KLHL20: variants seen among roughly 807,000 people sequenced by gnomAD.
The protein encoded by KLHL20 is kelch like family member 20.
In KLHL20, 29 loss-of-function variants were observed where a neutral mutation model predicts 69.5. That is an observed-to-expected ratio of 0.42 (90% CI 0.31 to 0.57). KLHL20 has a LOEUF of 0.57. Ranked by LOEUF, KLHL20 falls within the 20% of genes least tolerant of loss-of-function variation. KLHL20 has a pLI of 0.18. For synonymous variants in KLHL20, 253 were observed against 265.2 expected (o/e 0.95, Z 0.45); for missense variants, 419 against 776.0 (o/e 0.54, Z 5.47).
At chr1:173,721,890 G>C (rs1334159871) in intron 2 of KLHL20, among the ~76,000 whole-genome samples, 1 of 152,158 alleles carries the variant, frequency 6.6e-6, no homozygotes, top group Non-Finnish European at 1.5e-5. Flanking sequence ...GAGGGTCAGT[G>C]CAACTGAATC....
chr1:173,726,030 A>G (rs570797732), intron 2 of KLHL20, among the ~76,000 whole-genome samples: 17 of 152,258 alleles, frequency 1.1e-4, no homozygotes, highest in Non-Finnish European at 2.4e-4. Context: ...CACCTGGAAA[A>G]TCGGGTCACT....
At chr1:173,718,087 T>C (rs904589234) in intron 2 of KLHL20, among the ~76,000 whole-genome samples, 2 of 152,132 alleles carry the variant, frequency 1.3e-5, no homozygotes, top group African/African-American at 4.8e-5. Flanking sequence ...TCTTCTCTTT[T>C]CACTTTTTTA....
chr1:173,721,874 A>G (rs981057523), intron 2 of KLHL20, among the ~76,000 whole-genome samples: 1 of 152,258 alleles, frequency 6.6e-6, no homozygotes, highest in African/African-American at 2.4e-5. Context: ...ATTTAGGACT[A>G]TAAATGAGGG....
At chr1:173,726,827 A>G (rs552991496) in intron 2 of KLHL20, among the ~76,000 whole-genome samples, 73 of 152,346 alleles carry the variant, frequency 4.8e-4, no homozygotes, top group African/African-American at 1.7e-3. Context: ...TGAAAATTCT[A>G]AAAATCAGAG....
At chr1:173,779,369 GAGA>G (rs1440402481) in intron 10 of KLHL20, among the ~76,000 whole-genome samples, 1 of 57,400 alleles carries the variant, frequency 1.7e-5, no homozygotes, top group Non-Finnish European at 3.5e-5. Context: ...TTTTTTTTTT[GAGA>G]AGGAGTCTCA....
chr1:173,757,339 T>C (rs1673595064), intron 7 of KLHL20, among the ~76,000 whole-genome samples, 180 bp downstream of exon 7: 2 of 152,176 alleles, frequency 1.3e-5, no homozygotes, highest in East Asian at 1.9e-4. Flanking sequence ...ATTTTTCTAG[T>C]CTGTCTCCCA....
intron 11 of KLHL20, among the ~76,000 whole-genome samples, chr1:173,783,595 C>T (rs1327419437): frequency 1.3e-5 from 2 of 152,070 alleles, no homozygotes; most frequent in Non-Finnish European, 2.9e-5. Context: ...TGGCCAGGCA[C>T]GGTGGCTCAT....
chr1:173,746,676 T>C (rs1306564080), intron 3 of KLHL20, among the ~76,000 whole-genome samples: 1 of 152,120 alleles, frequency 6.6e-6, no homozygotes, highest in African/African-American at 2.4e-5. Context: ...ATTTTAACTT[T>C]TTTCAAACAA....
At chr1:173,728,276 T>A (rs968512030) in intron 2 of KLHL20, among the ~76,000 whole-genome samples, 1 of 152,078 alleles carries the variant, frequency 6.6e-6, no homozygotes, top group Non-Finnish European at 1.5e-5. Flanking sequence ...AGACTTAGAC[T>A]CCCACACAAT....
rs1483187749 is a variant in KLHL20, at chr1:173,786,373, A to AC, written c.*1126_*1127insC. 6.6e-6 allele frequency: 1 copy of AC among 152,502 alleles called. No individual in the cohort carries two copies. The highest frequency in any genetic ancestry group is 1.5e-5 in the Non-Finnish European group (1 of 67,940). 9.4% of individuals were successfully genotyped at this position (152,502 alleles called of 1,614,324 possible). ...CTCTCAAATTGCACTTTCTGGTAAA[A>AC]AGTTAAAAATTTTTAAGGAAAAAAT... is the stretch of plus-strand genomic sequence containing the variant. On this transcript the variant is annotated 3_prime_UTR_variant, in exon 12 of 12. Coordinates refer to ENST00000209884, the MANE Select transcript of KLHL20 (RefSeq NM_014458.4).
In KLHL20 at chr1:173,733,922, A is replaced by G; in HGVS notation, c.233A>G (p.Lys78Arg). The change falls in exon 3 of 12, where the codon AAG (lysine) becomes AGG (arginine). Residue 78 changes from lysine (K) to arginine (R), a missense_variant. Lys to Arg is a conservative substitution (Grantham distance 26). This residue lies in a region of KLHL20 where 129 missense variants were observed against 183.6 expected (regional missense o/e 0.70). Transcript: ENST00000209884. ...CDVVLVVGAK[K>R]IYAHRVILSA... The stretch of plus-strand genomic sequence containing the variant: ...GTGGTGCTAGTTGTGGGCGCCAAGA[A>G]GATATATGCCCATCGAGTCATTTTG... 6.2e-7 allele frequency: 1 copy of G among 1,614,204 alleles called. No homozygotes were observed. The highest frequency in any genetic ancestry group is 8.5e-7 in the Non-Finnish European group (1 of 1,180,032).
chr1:173,716,515 G>A (rs1419347838), intron 2 of KLHL20, among the ~76,000 whole-genome samples: 5 of 152,122 alleles, frequency 3.3e-5, no homozygotes. Flanking sequence ...TAAAATAGCT[G>A]CATTGTAGGG....
At chr1:173,782,337 T>C (rs1648934332) in intron 11 of KLHL20, 107 bp downstream of exon 11, 1 of 741,006 alleles carries the variant, frequency 1.3e-6, no homozygotes, top group African/African-American at 1.8e-5. Context: ...ATTGGAGTAC[T>C]TTGAAGAGGG....
chr1:173,730,287 A>G (rs1158385266), intron 2 of KLHL20, among the ~76,000 whole-genome samples: 1 of 152,122 alleles, frequency 6.6e-6, no homozygotes, highest in Non-Finnish European at 1.5e-5. Context: ...GAAAATGGCC[A>G]TACTGCCCAA....
chr1:173,770,152 A>G (rs1033397757), intron 8 of KLHL20, among the ~76,000 whole-genome samples: 5 of 152,202 alleles, frequency 3.3e-5, no homozygotes, highest in Non-Finnish European at 7.3e-5. Flanking sequence ...ATAAAAGCAC[A>G]CTAGAAAGAC....
At chr1:173,735,752 C>T (rs1224128811) in intron 3 of KLHL20, among the ~76,000 whole-genome samples, 1 of 151,980 alleles carries the variant, frequency 6.6e-6, no homozygotes, top group Non-Finnish European at 1.5e-5. Flanking sequence ...TCTCACCCAC[C>T]TCCCACACTT....
chr1:173,725,217 C>A (rs528315171), intron 2 of KLHL20, among the ~76,000 whole-genome samples: 1 of 152,342 alleles, frequency 6.6e-6, no homozygotes, highest in East Asian at 1.9e-4. Context: ...TCTTCCCTCT[C>A]CTTGCCTCCC....
intron 8 of KLHL20, among the ~76,000 whole-genome samples, chr1:173,769,909 AAAT>A (rs1647979772): frequency 1.3e-5 from 2 of 152,224 alleles, no homozygotes; most frequent in South Asian, 4.1e-4. Flanking sequence ...AAATACAAAA[AAAT>A]TTAAGTAATA....
chr1:173,786,485 G>A lies in KLHL20; in HGVS notation c.*1238G>A, dbSNP rs1649207832. The stretch of plus-strand genomic sequence containing the variant: ...TTTTGCAAGAAAAATCTTTGAATAA[G>A]ACTAACTGCATTTAAAAGGAATAAC... On this transcript the variant is annotated 3_prime_UTR_variant, in exon 12 of 12. Transcript: ENST00000209884. 1.3e-5 allele frequency: 2 copies of A among 152,272 alleles called. No homozygotes were observed. The highest frequency in any genetic ancestry group is 4.8e-5 in the African/African-American group (2 of 41,328). The allele number at this position is 152,272 out of a possible 1,614,324, so 9.4% of individuals were successfully genotyped here.
Sources: allele counts gnomAD v4.1 joint callset (sites outside exome capture counted in the v4.1 genomes callset), GRCh38; gene constraint gnomAD v4.1.1; regional missense constraint gnomAD v4.1.1; transcripts MANE v1.5; gene names NCBI Gene and HGNC (gene_info 2026-07-23, HGNC 2026-07-21).